KLF17: variants seen among roughly 807,000 people sequenced by gnomAD.
KLF17 encodes the protein KLF transcription factor 17.
Under a neutral mutation model 34.2 loss-of-function variants are expected in KLF17, and 31 were observed. The observed-to-expected ratio is 0.91, with a 90% CI of 0.68 to 1.22. The LOEUF is 1.22. KLF17 is among the 50% of genes most tolerant of loss of function. The probability of loss-of-function intolerance (pLI) is 0.00; values close to 1 mark genes in which losing one functional copy is unlikely to be tolerated. For synonymous variants in KLF17, 179 were observed against 186.7 expected, an observed-to-expected ratio of 0.96 and a Z score of 0.34; for missense variants, 478 against 505.2, an observed-to-expected ratio of 0.95 and a Z score of 0.52.
chr1:44,127,652 TTC>T lies in KLF17; in HGVS notation c.82-1699_82-1698del, dbSNP rs1553171645. ...TTCTTTTCTTTCCTTCTTTCTTTCT[TTC>T]TTTCTTTCTTTCTTTCTTTCTTTCT... On this transcript the variant is annotated intron_variant, in intron 1 of 3. Coordinates refer to ENST00000372299, the MANE Select transcript of KLF17 (RefSeq NM_173484.4). Among the ~76,000 whole-genome samples, 19 of 49,480 alleles carry T rather than the reference TTC, an allele frequency of 3.8e-4. No homozygotes were observed. In the East Asian group the frequency reaches 6.4e-3, roughly 17 times the overall value. The allele number at this position is 49,480 out of a possible 152,430, so 32.5% of individuals were successfully genotyped here.
the KLF17 span, among the ~76,000 whole-genome samples, chr1:44,091,795 G>A: frequency 6.6e-6 from 1 of 151,012 alleles, no homozygotes; most frequent in African/African-American, 2.4e-5. Flanking sequence ...AACGGTTCTT[G>A]AATCACACTT....
the KLF17 span, among the ~76,000 whole-genome samples, chr1:44,067,013 G>A: frequency 1.3e-5 from 2 of 152,250 alleles, no homozygotes; most frequent in African/African-American, 4.8e-5. Context: ...GTTACCTCTC[G>A]GAGGAGGTAT....
chr1:44,050,071 C>T, the KLF17 span, among the ~76,000 whole-genome samples: 11 of 152,186 alleles, frequency 7.2e-5, no homozygotes, highest in African/African-American at 2.7e-4. Context: ...TTACTGTCTC[C>T]TGGCATATGC....
the KLF17 span, among the ~76,000 whole-genome samples, chr1:44,056,556 C>T: frequency 7.9e-5 from 12 of 152,180 alleles, no homozygotes; most frequent in South Asian, 2.1e-4. Flanking sequence ...GCATTCTTAA[C>T]ACTAAAAGAA....
chr1:44,122,632 T>TC (rs2087961916), intron 1 of KLF17: 1 of 623,956 alleles, frequency 1.6e-6, no homozygotes, highest in African/African-American at 1.8e-5. Context: ...TCTCACTCTC[T>TC]CCCCCAGGCT....
the KLF17 span, among the ~76,000 whole-genome samples, chr1:44,069,576 C>G: frequency 2.0e-5 from 3 of 151,948 alleles, no homozygotes; most frequent in East Asian, 5.8e-4. The surrounding 1 kb of genome is among the most constrained non-coding windows in gnomAD (Gnocchi z 4.7). Flanking sequence ...AGAAATCACT[C>G]ATTATTGCAA....
chr1:44,047,026 C>CA, the KLF17 span, among the ~76,000 whole-genome samples: 113 of 83,472 alleles, frequency 1.4e-3, 1 homozygote, highest in Middle Eastern at 6.3e-3. Flanking sequence ...GACTCAGTCT[C>CA]AAAAAAAAAA....
chr1:44,088,256 C>A, the KLF17 span: 1 of 152,316 alleles, frequency 6.6e-6, no homozygotes, highest in Non-Finnish European at 1.5e-5. Flanking sequence ...GTAGCTGGAA[C>A]TATAGGCGCC....
the KLF17 span, among the ~76,000 whole-genome samples, chr1:44,085,319 A>T: frequency 1.3e-5 from 2 of 152,190 alleles, no homozygotes; most frequent in Non-Finnish European, 2.9e-5. Context: ...AGGAAAGCAA[A>T]TAGAGAGTAT....
At chr1:44,092,032 T>TAAAAA in the KLF17 span, among the ~76,000 whole-genome samples, 1 of 125,404 alleles carries the variant, frequency 8.0e-6, no homozygotes, top group Non-Finnish European at 1.6e-5. Context: ...ACTACTGCAT[T>TAAAAA]AAAAAAAAAA....
chr1:44,052,138 GCCTTAGGCATTA>G, the KLF17 span: 1 of 152,162 alleles, frequency 6.6e-6, no homozygotes, highest in African/African-American at 2.4e-5. Flanking sequence ...GGCTTCCTGA[GCCTTAGGCATTA>G]CCTGTCATCT....
chr1:44,126,840 A>AT (rs1197933904), intron 1 of KLF17, among the ~76,000 whole-genome samples: 1 of 151,604 alleles, frequency 6.6e-6, no homozygotes, highest in Non-Finnish European at 1.5e-5. Context: ...CTAGAAAAAA[A>AT]ATATATATTT....
At chr1:44,103,904 C>T in the KLF17 span, 13 of 817,874 alleles carry the variant, frequency 1.6e-5, no homozygotes, top group Non-Finnish European at 2.8e-5. Context: ...TCCCAGCCAG[C>T]GCCTGCAGCT....
At chr1:44,052,276 C>G in the KLF17 span, 2 of 152,248 alleles carry the variant, frequency 1.3e-5, no homozygotes, top group African/African-American at 4.8e-5. Flanking sequence ...TTCCTAATAG[C>G]CAGTTGCAGA....
the KLF17 span, among the ~76,000 whole-genome samples, chr1:44,058,884 GGCTCCCTTCAACAAAATATC>G: frequency 2.0e-5 from 3 of 151,640 alleles, no homozygotes; most frequent in Middle Eastern, 3.4e-3. Context: ...GCCTTTTGGA[GGCTCCCTTCAACAAAATATC>G]GCTCCCTTCA....
At chr1:44,068,416 C>A in the KLF17 span, among the ~76,000 whole-genome samples, 2 of 152,306 alleles carry the variant, frequency 1.3e-5, no homozygotes, top group South Asian at 4.1e-4. Flanking sequence ...GACATACCAG[C>A]CAGGAGTGGG....
At chr1:44,046,501 A>G in the KLF17 span, among the ~76,000 whole-genome samples, 1 of 150,682 alleles carries the variant, frequency 6.6e-6, no homozygotes, top group South Asian at 2.1e-4. Context: ...AATTACAGGC[A>G]TGGTCTGCCA....
At chr1:44,127,700 C>CTTTCTTTCTTCTCT (rs2088039605) in intron 1 of KLF17, among the ~76,000 whole-genome samples, 4 of 101,116 alleles carry the variant, frequency 4.0e-5, no homozygotes, top group Non-Finnish European at 7.9e-5. Flanking sequence ...CTTTTTCTTT[C>CTTTCTTTCTTCTCT]TTTCTTTCTT....
the KLF17 span, among the ~76,000 whole-genome samples, chr1:44,063,675 A>G: frequency 2.0e-5 from 3 of 152,224 alleles, no homozygotes; most frequent in African/African-American, 7.2e-5. Context: ...GAATAATAAC[A>G]TTCTGCTTTT....
Sources: gnomAD v4.1 joint callset for allele counts (sites outside exome capture counted in the v4.1 genomes callset) on GRCh38, gnomAD v4.1.1 for gene constraint, Gnocchi (gnomAD v3.1) non-coding constraint, MANE v1.5 for transcripts, NCBI Gene and HGNC (gene_info 2026-07-23, HGNC 2026-07-21) for gene names.